Variants in PCDHA2 observed in about 807,000 individuals in gnomAD.
PCDHA2 encodes the protein protocadherin alpha-2.
In PCDHA2, 58 loss-of-function variants were observed where a neutral mutation model predicts 66.0. That is an observed-to-expected ratio of 0.88 (90% CI 0.71 to 1.09). PCDHA2 has a LOEUF of 1.09. Ranked by LOEUF, PCDHA2 falls within the 50% of genes least tolerant of loss-of-function variation. The pLI is 0.00. For synonymous variants in PCDHA2, 634 were observed against 554.0 expected (o/e 1.14, Z -2.03); for missense variants, 1,267 against 1,242.3 (o/e 1.02, Z -0.30).
chr5:140,858,016 G>T, intron 1 of PCDHA2: 1 of 1,596,850 alleles, frequency 6.3e-7, no homozygotes, highest in Non-Finnish European at 8.6e-7. Context: ...ATGGCGAGCC[G>T]TCGCTGACGG....
At chr5:141,005,718 A>T (rs1554260304) in intron 3 of PCDHA2, among the ~76,000 whole-genome samples, 1 of 149,548 alleles carries the variant, frequency 6.7e-6, no homozygotes, top group Non-Finnish European at 1.5e-5. Context: ...AAAAAAAAAA[A>T]AAAAAAAAAA....
Position 141,009,665 on chromosome 5 carries a change from G to T in PCDHA2, c.2575G>T (p.Gly859Cys). 6.2e-7 allele frequency: 1 copy of T among 1,614,022 alleles called. No individual in the cohort carries two copies. Among genetic ancestry groups the T allele is most frequent in the Non-Finnish European group, 8.5e-7 (1 of 1,180,006 alleles). The change falls in exon 4 of 4, where the codon GGT becomes TGT. Residue 859 changes from glycine to cysteine, a missense_variant. By Grantham distance (159) the Gly-to-Cys change is radical (BLOSUM62 -3). Transcript: ENST00000526136. The stretch of plus-strand genomic sequence containing the variant: ...AGAAGTGTCCCCTCCAGTCGGTGCG[G>T]GTGTCAACAGCAACAGCTGGACCTT... ...AGEVSPPVGA[G>C]VNSNSWTFKY...
Position 140,799,504 on chromosome 5 carries a change from A to C in PCDHA2, c.2388+2152A>C, listed in dbSNP as rs1413340971. Among the ~76,000 whole-genome samples the C allele has an allele frequency of 1.3e-5, 2 of 152,028 alleles. 1 individual carries two copies. Among genetic ancestry groups the C allele is most frequent in the Non-Finnish European group, 2.9e-5 (2 of 67,934 alleles). On this transcript the variant is annotated intron_variant, in intron 1 of 3. Coordinates refer to ENST00000526136, the MANE Select transcript of PCDHA2 (RefSeq NM_018905.3). ...TCTTAGGTCCATGCTTTTCAGAAAT[A>C]ATGCTTAAATGTTTACTTACTTCTT... is the stretch of plus-strand genomic sequence containing the variant.
At chr5:140,874,672 C>A (rs2055057233) in intron 1 of PCDHA2, among the ~76,000 whole-genome samples, 1 of 152,126 alleles carries the variant, frequency 6.6e-6, no homozygotes, top group South Asian at 2.1e-4. Flanking sequence ...GAATCTATTC[C>A]TGAGATTTGT....
chr5:140,896,390 C>A, intron 1 of PCDHA2, among the ~76,000 whole-genome samples: 1 of 152,124 alleles, frequency 6.6e-6, no homozygotes, highest in Non-Finnish European at 1.5e-5. Flanking sequence ...ACCTCACCAG[C>A]ATCTGTTATT....
intron 1 of PCDHA2, chr5:140,807,967 G>C: frequency 6.2e-7 from 1 of 1,612,546 alleles, no homozygotes. Flanking sequence ...ATGGAACATT[G>C]GTAATTAAAC....
chr5:140,814,325 T>A (rs1765488694), intron 1 of PCDHA2: 1 of 152,342 alleles, frequency 6.6e-6, no homozygotes, highest in African/African-American at 2.4e-5. Context: ...CCATATCTTG[T>A]CCCACTGGAA....
At chr5:140,977,448 CTCCTT>C (rs1554238572) in intron 1 of PCDHA2, among the ~76,000 whole-genome samples, 2 of 152,212 alleles carry the variant, frequency 1.3e-5, no homozygotes, top group Non-Finnish European at 2.9e-5. Context: ...ATAATGGAAA[CTCCTT>C]TGATTTGGTC....
intron 1 of PCDHA2, among the ~76,000 whole-genome samples, chr5:140,949,674 C>G (rs2153687219): frequency 6.6e-6 from 1 of 151,738 alleles, no homozygotes; most frequent in South Asian, 2.1e-4. Context: ...AAAGTATGCC[C>G]TTGTTGAAGC....
intron 1 of PCDHA2, among the ~76,000 whole-genome samples, chr5:140,901,194 T>A (rs562699930): frequency 2.7e-4 from 41 of 152,236 alleles, no homozygotes; most frequent in Non-Finnish European, 5.1e-4. Flanking sequence ...TGCTTTTCTG[T>A]GCAGAAGGTT....
intron 1 of PCDHA2, among the ~76,000 whole-genome samples, chr5:140,900,319 C>T (rs1032725241): frequency 3.3e-5 from 5 of 152,046 alleles, no homozygotes; most frequent in Non-Finnish European, 7.3e-5. Flanking sequence ...CTTTTGTCGC[C>T]CAGGCTGGAG....
At chr5:140,809,016 A>T (rs1764333762) in intron 1 of PCDHA2, 14 of 1,613,580 alleles carry the variant, frequency 8.7e-6, no homozygotes, top group Admixed American at 1.7e-5. Context: ...CTTTCGTACG[A>T]GCTGCAGCCG....
chr5:140,884,271 C>T, intron 1 of PCDHA2: 1 of 1,613,540 alleles, frequency 6.2e-7, no homozygotes, highest in Non-Finnish European at 8.5e-7. Flanking sequence ...GTGCTGTTGT[C>T]GCTGGTGGAG....
At chr5:140,836,610 A>T in intron 1 of PCDHA2, 1 of 1,613,696 alleles carries the variant, frequency 6.2e-7, no homozygotes, top group Non-Finnish European at 8.5e-7. Flanking sequence ...GGTGTGCTCC[A>T]GCGCGGTGGG....
At chr5:140,812,436 A>G (rs1357466680) in intron 1 of PCDHA2, 2 of 152,114 alleles carry the variant, frequency 1.3e-5, no homozygotes, top group African/African-American at 4.8e-5. Context: ...AAATCAACTA[A>G]GTTTAAAAAC....
intron 1 of PCDHA2, among the ~76,000 whole-genome samples, chr5:140,903,619 A>T (rs1272385465): frequency 1.3e-5 from 2 of 152,226 alleles, no homozygotes; most frequent in African/African-American, 2.4e-5. Flanking sequence ...ATGAATGTGC[A>T]TGCATATGTA....
chr5:140,884,703 A>T, intron 1 of PCDHA2: 3 of 1,495,534 alleles, frequency 2.0e-6, no homozygotes, highest in Non-Finnish European at 2.7e-6. Flanking sequence ...TAAACACTTT[A>T]GCCTTCCTTG....
At chr5:140,875,992 C>T in intron 1 of PCDHA2, 2 of 1,613,870 alleles carry the variant, frequency 1.2e-6, no homozygotes, top group African/African-American at 1.3e-5. Flanking sequence ...TGCGTTAAGT[C>T]TAAATGAGAA....
At position 140,828,207 on chromosome 5, in the gene PCDHA2, C is replaced by A. The variant is rs1769609355; in HGVS notation, c.2388+30855C>A. 6 of 1,614,008 alleles carry A rather than the reference C, an allele frequency of 3.7e-6. No homozygotes were observed. The highest frequency in any genetic ancestry group is 1.1e-5 in the South Asian group (1 of 91,066). ...CTCCACTACTCCGTACCCGAGGAGG[C>A]CAAACACGGCACCTTCGTGGGCCGG... On this transcript the variant is annotated intron_variant, in intron 1 of 3. Coordinates refer to ENST00000526136, the MANE Select transcript of PCDHA2 (RefSeq NM_018905.3).
Sources: gnomAD v4.1 joint callset for allele counts (sites outside exome capture counted in the v4.1 genomes callset) on GRCh38, gnomAD v4.1.1 for gene constraint, MANE v1.5 for transcripts, NCBI Gene and HGNC (gene_info 2026-07-23, HGNC 2026-07-21) for gene names.